The following FLRT3 variants were observed in gnomAD, a reference collection of about 807,000 sequenced individuals.
The protein encoded by FLRT3 is fibronectin leucine rich transmembrane protein 3.
In FLRT3, 17 loss-of-function variants were observed where a neutral mutation model predicts 42.6. The observed-to-expected ratio is 0.40, with a 90% CI of 0.27 to 0.60. The LOEUF is 0.60. Among genes scored for constraint, FLRT3 ranks in the 20% least tolerant of loss-of-function variants. The pLI is 0.44. For synonymous variants in FLRT3, 279 were observed against 286.4 expected, an observed-to-expected ratio of 0.97 and a Z score of 0.26; for missense variants, 635 against 789.2, an observed-to-expected ratio of 0.80 and a Z score of 2.34.
chr20:14,325,764 C>T lies in FLRT3; in HGVS notation c.1743G>A (p.Lys581=). Residue 581 remains lysine (K), a synonymous_variant, in exon 3 of 3, where the codon AAG becomes AAA. Coordinates refer to ENST00000341420, the MANE Select transcript of FLRT3 (RefSeq NM_198391.3). ...TGATTTCCAGGATAGAGTTGTCCTT[C>T]TTAGTGCCAGCTTCTGCATAGTCAT... ...RKDDYAEAGT[K]KDNSILEIRE... 1 of 1,613,910 alleles carries T rather than the reference C, an allele frequency of 6.2e-7. No individual in the cohort carries two copies. Among genetic ancestry groups the T allele is most frequent in the Non-Finnish European group, 8.5e-7 (1 of 1,179,864 alleles).
At chr20:14,330,801 A>G (rs1437780730) in intron 1 of FLRT3, among the ~76,000 whole-genome samples, 1 of 152,064 alleles carries the variant, frequency 6.6e-6, no homozygotes, top group Non-Finnish European at 1.5e-5. Flanking sequence ...TCAAATTCCA[A>G]TAGTATCTTT....
At chr20:14,336,917 CAGGAGT>C (rs2082947887) in intron 1 of FLRT3, among the ~76,000 whole-genome samples, 1 of 152,154 alleles carries the variant, frequency 6.6e-6, no homozygotes, top group African/African-American at 2.4e-5. Context: ...CATAAGTCTC[CAGGAGT>C]AGCTCGGCTA....
chr20:14,334,359 C>T (rs2082898046), intron 1 of FLRT3, among the ~76,000 whole-genome samples: 2 of 152,214 alleles, frequency 1.3e-5, no homozygotes. Context: ...AGAAGACCAA[C>T]TCTTTGTTGG....
Position 14,326,605 on chromosome 20 carries a change from A to G in FLRT3, c.902T>C (p.Ile301Thr). ...GCAATACCAGGGATTGTTGCGAAGA[A>G]TCAGTTGTGTTATATTGTCCAAATC... ...FDDLDNITQL[I>T]LRNNPWYCGC... The change falls in exon 3 of 3, where the codon ATT becomes ACT. Residue 301 changes from isoleucine (I) to threonine (T), a missense_variant. Coordinates refer to ENST00000341420, the MANE Select transcript of FLRT3 (RefSeq NM_198391.3). The surrounding 1 kb of genome is among the most constrained non-coding windows in gnomAD (Gnocchi z 5.5). The G allele has an allele frequency of 1.2e-6, 2 of 1,613,882 alleles. No homozygotes were observed. Among genetic ancestry groups the G allele is most frequent in the Non-Finnish European group, 1.7e-6 (2 of 1,179,856 alleles).
At position 14,326,513 on chromosome 20, in the gene FLRT3, G is replaced by T; in HGVS notation, c.994C>A (p.Leu332Ile). Residue 332 changes from leucine to isoleucine, a missense_variant, in exon 3 of 3, where the codon CTC becomes ATC. Transcript: ENST00000341420. This position sits in a 1 kb window ranked among gnomAD's most constrained non-coding sequence, Gnocchi z 5.5. ...SLPVKVNVRG[L>I]MCQAPEKVRG... ...ACCTTTTCTGGGGCTTGGCACATGAGCCCACGCACGTTGACCTTCACAGGT... is the reference window on the plus strand; with the variant it reads ...ACCTTTTCTGGGGCTTGGCACATGATCCCACGCACGTTGACCTTCACAGGT... The T allele has an allele frequency of 6.2e-7, 1 of 1,613,872 alleles. No individual in the cohort carries two copies. The highest frequency in any genetic ancestry group is 8.5e-7 in the Non-Finnish European group (1 of 1,179,856).
In FLRT3 at chr20:14,326,916, A is replaced by C. The variant is rs186300031; in HGVS notation, c.591T>G (p.Gly197=). ...GAACCAGGCGTTTTAGACTAGTGAG[A>C]CCTTGAAGAGATGGTGATGAAATAG... ...ISTISSPSLQ[G]LTSLKRLVLD... Residue 197 remains glycine (G), a synonymous_variant, in exon 3 of 3, where the codon GGT becomes GGG. Transcript: ENST00000341420. This position sits in a 1 kb window ranked among gnomAD's most constrained non-coding sequence, Gnocchi z 5.5. 90 of 1,613,802 alleles carry C rather than the reference A, an allele frequency of 5.6e-5. No individual in the cohort carries two copies. In the East Asian group the frequency reaches 1.9e-3, roughly 34 times the overall value.
chr20:14,335,230 A>G (rs1245027293), intron 1 of FLRT3, among the ~76,000 whole-genome samples: 1 of 152,194 alleles, frequency 6.6e-6, no homozygotes, highest in Non-Finnish European at 1.5e-5. Flanking sequence ...ATCTAGAGAG[A>G]CTGAGTGTTC....
chr20:14,326,460 A>C lies in FLRT3; in HGVS notation c.1047T>G (p.Asn349Lys). ...KVRGMAIKDL[N>K]AELFDCKDSG... The stretch of plus-strand genomic sequence containing the variant: ...TGTCCTTACAATCAAACAGTTCTGC[A>C]TTGAGATCCTTAATAGCCATCCCAC... Residue 349 changes from asparagine to lysine, a missense_variant, in exon 3 of 3, where the codon AAT becomes AAG. Transcript: ENST00000341420. The surrounding 1 kb of genome is among the most constrained non-coding windows in gnomAD (Gnocchi z 5.5). 6.2e-7 allele frequency: 1 copy of C among 1,613,866 alleles called. No individual in the cohort carries two copies. Among genetic ancestry groups the C allele is most frequent in the Non-Finnish European group, 8.5e-7 (1 of 1,179,840 alleles).
intron 1 of FLRT3, among the ~76,000 whole-genome samples, chr20:14,332,970 G>A (rs185442735): frequency 1.3e-5 from 2 of 152,170 alleles, no homozygotes; most frequent in Admixed American, 1.3e-4. Flanking sequence ...GAGTACATCA[G>A]GTTAGTTGAT....
Position 14,327,339 on chromosome 20 carries a change from T to C in FLRT3, c.168A>G (p.Ile56Met), listed in dbSNP as rs747471684. ...DRFLTSIPTG[I>M]PEDATTLYLQ... ...GGTAGAGAGTTGTAGCATCCTCTGG[T>C]ATTCCTGTTGGAATGGATGTCAGAA... The change falls in exon 3 of 3, where the codon ATA becomes ATG. Residue 56 changes from isoleucine to methionine, a missense_variant. Physicochemically the swap from Ile to Met is conservative, Grantham distance 10 (BLOSUM62 1). Coordinates refer to ENST00000341420, the MANE Select transcript of FLRT3 (RefSeq NM_198391.3). 13 of 1,613,674 alleles carry C rather than the reference T, an allele frequency of 8.1e-6. No homozygotes were observed. In the Admixed American group the frequency reaches 8.3e-5, roughly 10 times the overall value.
intron 1 of FLRT3, among the ~76,000 whole-genome samples, chr20:14,336,642 T>A (rs374462845): frequency 5.9e-5 from 9 of 152,206 alleles, no homozygotes; most frequent in African/African-American, 1.4e-4. Flanking sequence ...ACTGCATACA[T>A]CAGGCATAGC....
In FLRT3 at chr20:14,325,230, A is replaced by C. The variant is rs1017700664; in HGVS notation, c.*327T>G. On this transcript the variant is annotated 3_prime_UTR_variant, in exon 3 of 3. Transcript: ENST00000341420. ...CGACACAGCAAGAAAATTCACTTTC[A>C]CAGTCAACAAGTCATCTTACTCAGT... 1 of 182,212 alleles carries C rather than the reference A, an allele frequency of 5.5e-6. No homozygotes were observed. Among genetic ancestry groups the C allele is most frequent in the Non-Finnish European group, 1.1e-5 (1 of 88,340 alleles). The allele number at this position is 182,212 out of a possible 1,614,324, so 11.3% of individuals were successfully genotyped here. A position where few individuals can be genotyped will look rare whatever the true frequency, so the allele number is the denominator to read the frequency against.
In FLRT3 at chr20:14,337,434, C is replaced by A; in HGVS notation, c.-277G>T. On this transcript the variant is annotated 5_prime_UTR_variant, in exon 1 of 3. Coordinates refer to ENST00000341420, the MANE Select transcript of FLRT3 (RefSeq NM_198391.3). Reference sequence around the variant, plus strand: ...AGACGAGAAAAAGCAATCCTATATACACTGCCGCTATAGCTGTAATTCCAT... The same window carrying A: ...AGACGAGAAAAAGCAATCCTATATAAACTGCCGCTATAGCTGTAATTCCAT... 1 of 331,662 alleles carries A rather than the reference C, an allele frequency of 3.0e-6. No individual in the cohort carries two copies. The highest frequency in any genetic ancestry group is 5.4e-6 in the Non-Finnish European group (1 of 184,978). The allele number at this position is 331,662 out of a possible 1,614,324, so 20.5% of individuals were successfully genotyped here.
At chr20:14,333,588 T>C (rs2082882140) in intron 1 of FLRT3, among the ~76,000 whole-genome samples, 2 of 152,192 alleles carry the variant, frequency 1.3e-5, no homozygotes, top group Non-Finnish European at 1.5e-5. Flanking sequence ...TGCCTACTTT[T>C]GTTAAACCAC....
rs572261348 is a variant in FLRT3 at position 14,336,024 on chromosome 20, C to T, written c.-247+1380G>A. Among the ~76,000 whole-genome samples the T allele has an allele frequency of 1.3e-4, 20 of 151,972 alleles. 1 individual carries two copies. The highest frequency in any genetic ancestry group is 2.6e-4 in the Admixed American group (4 of 15,242). ...AGGATTAATTTTTCTTTACTCATTT[C>T]GGAAGAGATGAATATTAGTCATCTG... On this transcript the variant is annotated intron_variant, in intron 1 of 2. Coordinates refer to ENST00000341420, the MANE Select transcript of FLRT3 (RefSeq NM_198391.3).
intron 2 of FLRT3, 70 bp downstream of exon 2, chr20:14,329,064 A>C (rs1477360006): frequency 6.6e-6 from 1 of 151,976 alleles, no homozygotes; most frequent in Admixed American, 6.6e-5. Flanking sequence ...GTTACCCCCT[A>C]CCTTTATTCC....
At chr20:14,332,389 T>C (rs1263140261) in intron 1 of FLRT3, among the ~76,000 whole-genome samples, 2 of 152,138 alleles carry the variant, frequency 1.3e-5, no homozygotes, top group East Asian at 3.9e-4. Context: ...TACATGTTTA[T>C]GTGATTTCTT....
Position 14,325,978 on chromosome 20 carries a change from G to A in FLRT3, c.1529C>T (p.Thr510Ile), listed in dbSNP as rs1461883225. 1.2e-6 allele frequency: 2 copies of A among 1,613,780 alleles called. No individual in the cohort carries two copies. Among genetic ancestry groups the A allele is most frequent in the African/African-American group, 1.3e-5 (1 of 74,898 alleles). Residue 510 changes from threonine to isoleucine, a missense_variant, in exon 3 of 3, where the codon ACA becomes ATA. Coordinates refer to ENST00000341420, the MANE Select transcript of FLRT3 (RefSeq NM_198391.3). ...ETAPLRMYNP[T>I]TTLNREQEKE... Reference sequence around the variant, plus strand: ...CTCTTGCTCTCGATTGAGGGTGGTTGTAGGGTTGTACATTCGAAGGGGTGC... The same window carrying A: ...CTCTTGCTCTCGATTGAGGGTGGTTATAGGGTTGTACATTCGAAGGGGTGC...
rs2082717288 is a variant in FLRT3 at position 14,325,435 on chromosome 20, T to G, written c.*122A>C. ...TTAAATATAAATTATATGGCAAATG[T>G]ACAGTACATTGCTTTTTTTCAGTCT... On this transcript the variant is annotated 3_prime_UTR_variant, in exon 3 of 3. Transcript: ENST00000341420. 9.8e-7 allele frequency: 1 copy of G among 1,019,036 alleles called. No individual in the cohort carries two copies. Among genetic ancestry groups the G allele is most frequent in the African/African-American group, 1.6e-5 (1 of 61,944 alleles). 63.1% of individuals were successfully genotyped at this position (1,019,036 alleles called of 1,614,324 possible). A position where few individuals can be genotyped will look rare whatever the true frequency, so the allele number is the denominator to read the frequency against.
Sources: gnomAD v4.1 joint callset for allele counts (sites outside exome capture counted in the v4.1 genomes callset) on GRCh38, gnomAD v4.1.1 for gene constraint, Gnocchi (gnomAD v3.1) non-coding constraint, MANE v1.5 for transcripts, NCBI Gene and HGNC (gene_info 2026-07-23, HGNC 2026-07-21) for gene names.